The following NCF1 variants were observed in gnomAD, a reference collection of about 807,000 sequenced individuals.
NCF1 encodes neutrophil cytosolic factor 1.
In NCF1, 8 loss-of-function variants were observed where a neutral mutation model predicts 34.9. The ratio of observed to expected loss-of-function variants is 0.23; its 90% CI spans 0.13 to 0.41. The LOEUF is 0.41. Among genes scored for constraint, NCF1 ranks in the 10% least tolerant of loss-of-function variants. NCF1 has a pLI of 1.00. For missense variants in NCF1, 122 were observed against 362.4 expected, an observed-to-expected ratio of 0.34 and a Z score of 5.39; for synonymous variants, 57 against 146.3, an observed-to-expected ratio of 0.39 and a Z score of 4.41.
At chr7:74,777,518 T>C in intron 2 of NCF1, 171 bp downstream of exon 2, 5 of 795,018 alleles carry the variant, frequency 6.3e-6, no homozygotes, top group South Asian at 3.2e-5. Flanking sequence ...TCTTGCTCTG[T>C]CACCACTCTG....
In NCF1 at chr7:74,777,394, C is replaced by T. The variant is rs1175302464; in HGVS notation, c.153+47C>T. ...GGACAGGGACCCACCGTTCCAGCTC[C>T]ACCCTTTGGGAAGGACCTTAGCCCA... On this transcript the variant is annotated intron_variant, in intron 2 of 10. Transcript: ENST00000289473. The T allele has an allele frequency of 2.1e-6, 3 of 1,421,388 alleles. No homozygotes were observed. In the African/African-American group the frequency reaches 4.5e-5, roughly 21 times the overall value. 88.0% of individuals were successfully genotyped at this position (1,421,388 alleles called of 1,614,324 possible).
chr7:74,786,207 C>A (rs1468189385), intron 8 of NCF1, among the ~76,000 whole-genome samples: 2 of 98,890 alleles, frequency 2.0e-5, no homozygotes, highest in Admixed American at 2.4e-4. Context: ...TGCACCCCAG[C>A]CTGGGTGATG....
chr7:74,781,669 A>C (rs2131603795), intron 5 of NCF1: 1 of 148,580 alleles, frequency 6.7e-6, no homozygotes, highest in East Asian at 2.0e-4. Context: ...AGTAGCTGGG[A>C]TTACAGGTGT....
At position 74,777,567 on chromosome 7, in the gene NCF1, C is replaced by T. The variant is rs142050799; in HGVS notation, c.153+220C>T. The stretch of plus-strand genomic sequence containing the variant: ...CTCTGATTACAGGCATGAGCCCCCA[C>T]GCTCGGCCTTTTAGGTGGTTTTGAG... On this transcript the variant is annotated intron_variant, in intron 2 of 10. Transcript: ENST00000289473. 8.2e-3 allele frequency: 4,202 copies of T among 513,954 alleles called. 21 individuals are homozygous for T. Among genetic ancestry groups the T allele is most frequent in the Non-Finnish European group, 0.011 (3,052 of 284,406 alleles). The allele number at this position is 513,954 out of a possible 1,614,324, so 31.8% of individuals were successfully genotyped here.
At chr7:74,787,060 C>G (rs1282371577) in intron 8 of NCF1, among the ~76,000 whole-genome samples, 16 of 141,252 alleles carry the variant, frequency 1.1e-4, no homozygotes, top group African/African-American at 3.4e-4. Context: ...GAGCAAAAAA[C>G]AAACCTAGAC....
At chr7:74,782,043 T>C (rs1479779230) in intron 5 of NCF1, among the ~76,000 whole-genome samples, 2 of 138,154 alleles carry the variant, frequency 1.4e-5, no homozygotes, top group African/African-American at 2.7e-5. Flanking sequence ...ACCTCCACGG[T>C]TGGATGAAGG....
chr7:74,783,776 G>A (rs1796622786), intron 7 of NCF1, 144 bp downstream of exon 7: 11 of 1,489,608 alleles, frequency 7.4e-6, no homozygotes, highest in Middle Eastern at 2.4e-4. Context: ...CTCTGGCTTG[G>A]GGGCCCTGGC....
chr7:74,783,812 A>G (rs1464974432), intron 7 of NCF1, among the ~76,000 whole-genome samples, 180 bp downstream of exon 7: 2 of 152,216 alleles, frequency 1.3e-5, no homozygotes, highest in Non-Finnish European at 2.9e-5. Flanking sequence ...TGGTCTGGAC[A>G]GGGAACCAGG....
At chr7:74,781,207 T>G (rs1201836060) in intron 5 of NCF1, among the ~76,000 whole-genome samples, 1 of 24,072 alleles carries the variant, frequency 4.2e-5, no homozygotes, top group Non-Finnish European at 6.9e-5. Context: ...ATCGTGCCAC[T>G]GCACTCCAGC....
At chr7:74,785,659 G>C (rs1165665606) in intron 8 of NCF1, 2 of 351,134 alleles carry the variant, frequency 5.7e-6, no homozygotes, top group Admixed American at 3.8e-5. Flanking sequence ...AGGACAGGAC[G>C]ATCATGTGAG....
At chr7:74,787,345 CAGG>C (rs1233372345) in intron 8 of NCF1, among the ~76,000 whole-genome samples, 4 of 152,064 alleles carry the variant, frequency 2.6e-5, no homozygotes, top group African/African-American at 9.7e-5. Context: ...GAAGCTGAGA[CAGG>C]AGAATTGCTT....
intron 9 of NCF1, 54 bp from the exon 10 acceptor site, chr7:74,788,505 C>G: frequency 6.6e-7 from 1 of 1,507,874 alleles, no homozygotes; most frequent in Non-Finnish European, 8.9e-7. Flanking sequence ...CATCTGAGTC[C>G]CTGGGGGCAG....
In NCF1 at chr7:74,783,166, G is replaced by A. The variant is rs782572273; in HGVS notation, c.574+105G>A. 5.9e-5 allele frequency: 91 copies of A among 1,554,042 alleles called. 2 individuals carry two copies. The South Asian group carries it at 1.0e-3, about 18-fold the overall frequency. On this transcript the variant is annotated intron_variant, in intron 6 of 10. Coordinates refer to ENST00000289473, the MANE Select transcript of NCF1 (RefSeq NM_000265.7). ...CAGCCTTGCCCCTGGGAGGACTCCG[G>A]CTCTGTTAGGGGCCCTAAATGTCCT...
rs587680541 is a variant in NCF1, at chr7:74,781,288, TC to T, written c.451+456del. Among the ~76,000 whole-genome samples the T allele has an allele frequency of 1.9e-4, 9 of 46,896 alleles. No individual in the cohort carries two copies. In the East Asian group the frequency reaches 1.0e-2, roughly 52 times the overall value. 30.8% of individuals were successfully genotyped at this position (46,896 alleles called of 152,430 possible). ...AAAGAAGAATTGGGTCTTTGGAAGG[TC>T]CCTGGAGACTGAAAGGAGCCCTTTG... is the stretch of plus-strand genomic sequence containing the variant. On this transcript the variant is annotated intron_variant, in intron 5 of 10. Coordinates refer to ENST00000289473, the MANE Select transcript of NCF1 (RefSeq NM_000265.7).
At chr7:74,787,036 A>G (rs1796686344) in intron 8 of NCF1, among the ~76,000 whole-genome samples, 1 of 121,388 alleles carries the variant, frequency 8.2e-6, no homozygotes, top group Non-Finnish European at 2.0e-5. Context: ...TCCATACTGG[A>G]AAAAAAAAAA....
At chr7:74,777,407 G>C in intron 2 of NCF1, 60 bp downstream of exon 2, 1 of 1,325,052 alleles carries the variant, frequency 7.5e-7, no homozygotes, top group Non-Finnish European at 1.0e-6. Context: ...CCTTTGGGAA[G>C]GACCTTAGCC....
intron 6 of NCF1, 114 bp downstream of exon 6, chr7:74,783,175 G>A (rs1554414025): frequency 6.5e-7 from 1 of 1,545,782 alleles, no homozygotes; most frequent in Non-Finnish European, 8.8e-7. Context: ...GGCTCTGTTA[G>A]GGGCCCTAAA....
intron 5 of NCF1, among the ~76,000 whole-genome samples, chr7:74,782,668 C>T (rs1384425659): frequency 5.3e-5 from 8 of 151,794 alleles, no homozygotes; most frequent in Non-Finnish European, 8.8e-5. Context: ...CCTAGGAGTC[C>T]AGGGCTGTAG....
In NCF1 at chr7:74,787,627, A is replaced by G. The variant is rs587653076; in HGVS notation, c.801-357A>G. Among the ~76,000 whole-genome samples the G allele has an allele frequency of 1.8e-4, 27 of 151,156 alleles. No homozygotes were observed. The South Asian group carries it at 5.5e-3, about 31-fold the overall frequency. ...AGATAGGGGTCTTGCTATGTTACCC[A>G]GGCTGATCTCCAACTCCTGGCCTCA... On this transcript the variant is annotated intron_variant, in intron 8 of 10. Transcript: ENST00000289473.
Sources: allele counts gnomAD v4.1 joint callset (sites outside exome capture counted in the v4.1 genomes callset), GRCh38; gene constraint gnomAD v4.1.1; transcripts MANE v1.5; gene names NCBI Gene and HGNC (gene_info 2026-07-23, HGNC 2026-07-21).